The following CLIC6 variants were observed in gnomAD, a reference collection of about 807,000 sequenced individuals.
The protein encoded by CLIC6 is chloride intracellular channel protein 6.
CLIC6 carries 39 observed loss-of-function variants against 49.2 expected under a neutral mutation model. The ratio of observed to expected loss-of-function variants is 0.79; its 90% confidence interval spans 0.61 to 1.04. The LOEUF (loss-of-function observed/expected upper bound fraction) is 1.04, where lower values mean the gene tolerates loss of function less well. Ranked by LOEUF, CLIC6 falls within the 50% of genes least tolerant of loss-of-function variation. CLIC6 has a pLI of 0.00. For missense variants in CLIC6, 988 were observed against 993.1 expected (o/e 0.99, Z 0.07); for synonymous variants, 446 against 433.4 (o/e 1.03, Z -0.36).
rs2145793589 is a variant in CLIC6, at chr21:34,670,417, A to G, written c.1029A>G (p.Glu343=). 1 of 1,460,656 alleles carries G rather than the reference A, an allele frequency of 6.8e-7. No individual in the cohort carries two copies. The allele number at this position is 1,460,656 out of a possible 1,614,324, so 90.5% of individuals were successfully genotyped here. ...EAEVPGVKGS[E]EAAPGDARAD... is the part of the protein sequence containing the mutation. ...AGGTCCCGGGGGTAAAGGGGTCCGA[A>G]GAAGCGGCCCCCGGGGACGCAAGGG... The change falls in exon 1 of 6, where the codon GAA becomes GAG. Residue 343 remains glutamate (E), a synonymous_variant. Transcript: ENST00000349499.
At chr21:34,714,512 A>AC (rs1158636274) in intron 5 of CLIC6, among the ~76,000 whole-genome samples, 3 of 151,984 alleles carry the variant, frequency 2.0e-5, no homozygotes, top group Non-Finnish European at 4.4e-5. Context: ...AAATGGTGAA[A>AC]CCCCGTCTCT....
chr21:34,680,742 C>A (rs941667468), intron 1 of CLIC6, among the ~76,000 whole-genome samples: 7 of 152,200 alleles, frequency 4.6e-5, no homozygotes, highest in Admixed American at 1.3e-4. Context: ...ATTTCAACTC[C>A]CAATAAGTTC....
At chr21:34,678,450 G>T (rs1437872596) in intron 1 of CLIC6, among the ~76,000 whole-genome samples, 39 of 151,374 alleles carry the variant, frequency 2.6e-4, no homozygotes, top group Admixed American at 2.6e-3. Context: ...AAAAGAAAAA[G>T]TTTACCGATT....
chr21:34,679,226 C>T (rs1989730053), intron 1 of CLIC6, among the ~76,000 whole-genome samples: 1 of 152,214 alleles, frequency 6.6e-6, no homozygotes, highest in Non-Finnish European at 1.5e-5. Flanking sequence ...GAAGCAAACA[C>T]ATCCTTCTTT....
At chr21:34,711,528 C>CAAATAAATAAAT (rs35370301) in intron 5 of CLIC6, among the ~76,000 whole-genome samples, 1 of 148,314 alleles carries the variant, frequency 6.7e-6, no homozygotes, top group Non-Finnish European at 1.5e-5. Context: ...AATAAACAAA[C>CAAATAAATAAAT]AAATAAATAA....
At position 34,701,091 on chromosome 21, in the gene CLIC6, A is replaced by G. The variant is rs1393171424; in HGVS notation, c.1375-6189A>G. Among the ~76,000 whole-genome samples the G allele has an allele frequency of 7.8e-5, 11 of 141,402 alleles. 2 individuals carry two copies. Among genetic ancestry groups the G allele is most frequent in the Non-Finnish European group, 1.2e-4 (8 of 65,160 alleles). The allele number at this position is 141,402 out of a possible 152,430, so 92.8% of individuals were successfully genotyped here. ...GCCGAGGCGGGTGGATCATGAGGTCAGGAGATCGAGACCATCCTGGCTAAC... is the reference window on the plus strand; with the variant it reads ...GCCGAGGCGGGTGGATCATGAGGTCGGGAGATCGAGACCATCCTGGCTAAC... On this transcript the variant is annotated intron_variant, in intron 1 of 5. Transcript: ENST00000349499.
chr21:34,705,185 C>T (rs967869587), intron 1 of CLIC6, among the ~76,000 whole-genome samples: 1 of 152,176 alleles, frequency 6.6e-6, no homozygotes, highest in African/African-American at 2.4e-5. Context: ...AACATGCGTC[C>T]TTGCACTTTC....
chr21:34,676,467 A>C (rs1989672540), intron 1 of CLIC6, among the ~76,000 whole-genome samples: 1 of 152,260 alleles, frequency 6.6e-6, no homozygotes, highest in African/African-American at 2.4e-5. Flanking sequence ...GACATTGGGC[A>C]ATGTAGTACA....
At chr21:34,709,696 CA>C (rs2056042751) in intron 5 of CLIC6, among the ~76,000 whole-genome samples, 158 bp downstream of exon 5, 1 of 152,216 alleles carries the variant, frequency 6.6e-6, no homozygotes, top group East Asian at 1.9e-4. Flanking sequence ...CCCCAGCTTT[CA>C]CACACACAGA....
intron 1 of CLIC6, among the ~76,000 whole-genome samples, chr21:34,699,093 C>G (rs2145812202): frequency 6.6e-6 from 1 of 152,310 alleles, no homozygotes; most frequent in East Asian, 1.9e-4. Context: ...TATTTAGCAT[C>G]TCTGAAGTTC....
intron 5 of CLIC6, among the ~76,000 whole-genome samples, chr21:34,711,660 T>C (rs2056057763): frequency 6.6e-6 from 1 of 152,238 alleles, no homozygotes; most frequent in Non-Finnish European, 1.5e-5. Context: ...CTTTTGCCTT[T>C]GTCTTCCTGC....
At chr21:34,706,221 C>G (rs761163235) in intron 1 of CLIC6, 1 of 509,660 alleles carries the variant, frequency 2.0e-6, no homozygotes, top group South Asian at 3.4e-5. Flanking sequence ...GGGGAGCAGG[C>G]ACGTCACATG....
intron 5 of CLIC6, among the ~76,000 whole-genome samples, chr21:34,714,696 A>AC (rs1310280828): frequency 1.0e-3 from 121 of 120,852 alleles, no homozygotes; most frequent in African/African-American, 3.4e-3. Context: ...AAAAAACAAA[A>AC]AAAAAAAAAA....
rs569223124 is a variant in CLIC6, at chr21:34,700,242, T to TAG, written c.1375-7034_1375-7033dup. On this transcript the variant is annotated intron_variant, in intron 1 of 5. Coordinates refer to ENST00000349499, the MANE Select transcript of CLIC6 (RefSeq NM_053277.3). ...GAGGGCGGATCACGAGGTCAGGAGA[T>TAG]AGAGACCATCCTGGCTAACACGGTG... Among the ~76,000 whole-genome samples the TAG allele has an allele frequency of 5.5e-4, 83 of 151,398 alleles. No homozygotes were observed. The South Asian group carries it at 8.8e-3, about 16-fold the overall frequency.
intron 5 of CLIC6, among the ~76,000 whole-genome samples, chr21:34,713,558 G>T (rs1179014463): frequency 6.6e-6 from 1 of 152,034 alleles, no homozygotes; most frequent in Non-Finnish European, 1.5e-5. Flanking sequence ...CAGTGATTTG[G>T]AAGACAAGCC....
chr21:34,703,068 C>G (rs1319070459), intron 1 of CLIC6, among the ~76,000 whole-genome samples: 1 of 152,092 alleles, frequency 6.6e-6, no homozygotes, highest in East Asian at 1.9e-4. Context: ...TGCTTGCTCC[C>G]AGATCCCTCC....
At chr21:34,707,522 C>G (rs530119982) in intron 2 of CLIC6, 133 bp downstream of exon 2, 124 of 673,326 alleles carry the variant, frequency 1.8e-4, no homozygotes, top group East Asian at 3.0e-4. Context: ...GGAGTCTGAA[C>G]TGAAGCCCAC....
Position 34,693,944 on chromosome 21 carries a change from CTGT to C in CLIC6, c.1375-13310_1375-13308del, listed in dbSNP as rs568954883. 2.5e-3 allele frequency among the ~76,000 whole-genome samples: 365 copies of C among 147,798 alleles called. 4 individuals are homozygous for C. The highest frequency in any genetic ancestry group is 0.018 in the South Asian group (83 of 4,640). On this transcript the variant is annotated intron_variant, in intron 1 of 5. Transcript: ENST00000349499. ...TCTTCATAATGAGTTCTTATGAGATCTGTTGTTGTTGTTGTTGTTGTTGTTGTT... is the reference window on the plus strand; with the variant it reads ...TCTTCATAATGAGTTCTTATGAGATCTGTTGTTGTTGTTGTTGTTGTTGTT...
chr21:34,675,415 C>A (rs1277492768), intron 1 of CLIC6, among the ~76,000 whole-genome samples: 1 of 152,046 alleles, frequency 6.6e-6, no homozygotes, highest in South Asian at 2.1e-4. Flanking sequence ...TTCTATGGGG[C>A]TTGGTCTCCA....
Sources: allele counts gnomAD v4.1 joint callset (sites outside exome capture counted in the v4.1 genomes callset), GRCh38; gene constraint gnomAD v4.1.1; transcripts MANE v1.5; gene names NCBI Gene and HGNC (gene_info 2026-07-23, HGNC 2026-07-21).